SUGCT: variants seen among roughly 807,000 people sequenced by gnomAD.
SUGCT encodes the protein succinyl-CoA:glutarate CoA-transferase.
A neutral mutation model predicts 55.0 loss-of-function variants in SUGCT; 41 were observed. The ratio of observed to expected loss-of-function variants is 0.74; its 90% CI spans 0.58 to 0.97. The LOEUF (loss-of-function observed/expected upper bound fraction) is 0.97, where lower values mean the gene tolerates loss of function less well. Ranked by LOEUF, SUGCT falls within the 50% of genes least tolerant of loss-of-function variation. The probability of loss-of-function intolerance (pLI) is 0.00; values close to 1 mark genes in which losing one functional copy is unlikely to be tolerated. For synonymous variants in SUGCT, 187 were observed against 200.4 expected (o/e 0.93, Z 0.56); for missense variants, 568 against 547.8 (o/e 1.04, Z -0.37).
At position 40,265,758 on chromosome 7, in the gene SUGCT, C is replaced by G. The variant is rs181830924; in HGVS notation, c.577-8755C>G. Among the ~76,000 whole-genome samples the G allele has an allele frequency of 1.6e-4, 24 of 152,186 alleles. No homozygotes were observed. The East Asian group carries it at 4.6e-3, about 29-fold the overall frequency. ...TCACTTTAAGCCATGAGATCGAGAC[C>G]AGGCCAACATGATGAAACCCCGTCT... On this transcript the variant is annotated intron_variant, in intron 7 of 13. Coordinates refer to ENST00000335693, the MANE Select transcript of SUGCT (RefSeq NM_001193313.2).
chr7:40,158,536 A>C (rs1784004005), intron 1 of SUGCT, among the ~76,000 whole-genome samples: 1 of 152,224 alleles, frequency 6.6e-6, no homozygotes, highest in South Asian at 2.1e-4. Flanking sequence ...AGATCACCTG[A>C]GGTCAGAAGT....
intron 9 of SUGCT, among the ~76,000 whole-genome samples, chr7:40,377,138 CTTTCTTTCTT>C (rs1784593821): frequency 8.4e-5 from 1 of 11,910 alleles, no homozygotes; most frequent in Admixed American, 1.9e-3. Flanking sequence ...CTCTTTCTTT[CTTTCTTTCTT>C]TCTTTCTTTC....
At chr7:40,854,812 T>C (rs971853077) in intron 13 of SUGCT, among the ~76,000 whole-genome samples, 2 of 152,082 alleles carry the variant, frequency 1.3e-5, no homozygotes, top group East Asian at 1.9e-4. Flanking sequence ...GGTACACTCC[T>C]GAAGTCCTAC....
At chr7:40,504,167 A>G (rs1202917281) in intron 12 of SUGCT, among the ~76,000 whole-genome samples, 2 of 152,252 alleles carry the variant, frequency 1.3e-5, no homozygotes, top group Non-Finnish European at 2.9e-5. Context: ...GACTTAAAGT[A>G]CAGTATAGTG....
the SUGCT span, among the ~76,000 whole-genome samples, chr7:41,023,408 A>G: frequency 6.6e-6 from 1 of 152,250 alleles, no homozygotes; most frequent in African/African-American, 2.4e-5. Context: ...AAAAACATAC[A>G]TTAATATTAA....
intron 13 of SUGCT, among the ~76,000 whole-genome samples, chr7:40,758,359 A>C (rs1394391694): frequency 6.6e-6 from 1 of 152,168 alleles, no homozygotes; most frequent in African/African-American, 2.4e-5. Flanking sequence ...ATTTATCTTT[A>C]CTAAGCCAGA....
At chr7:40,446,306 A>G (rs1383332813) in intron 9 of SUGCT, among the ~76,000 whole-genome samples, 5 of 152,098 alleles carry the variant, frequency 3.3e-5, no homozygotes, top group African/African-American at 1.2e-4. Flanking sequence ...TCCAACACAG[A>G]TTGTTACTTC....
At chr7:40,731,303 G>T (rs1359013653) in intron 12 of SUGCT, among the ~76,000 whole-genome samples, 1 of 152,120 alleles carries the variant, frequency 6.6e-6, no homozygotes, top group African/African-American at 2.4e-5. Context: ...GAAGTTAAAA[G>T]AATTTTACTC....
chr7:40,305,682 G>A (rs1449905886), intron 8 of SUGCT, among the ~76,000 whole-genome samples: 1 of 151,374 alleles, frequency 6.6e-6, no homozygotes, highest in Non-Finnish European at 1.5e-5. Flanking sequence ...ATTTTTTTGT[G>A]ACAGGGTCTT....
chr7:40,237,965 G>C (rs1789121569), intron 7 of SUGCT, among the ~76,000 whole-genome samples: 1 of 152,184 alleles, frequency 6.6e-6, no homozygotes, highest in Non-Finnish European at 1.5e-5. Context: ...TGGCCACATG[G>C]AAAAGAGCAA....
At chr7:40,412,545 C>T (rs1449551707) in intron 9 of SUGCT, among the ~76,000 whole-genome samples, 1 of 152,026 alleles carries the variant, frequency 6.6e-6, no homozygotes, top group Non-Finnish European at 1.5e-5. Context: ...TTTGTTTTGT[C>T]GAATTTGTTT....
At chr7:40,734,152 G>A (rs1454190036) in intron 12 of SUGCT, among the ~76,000 whole-genome samples, 1 of 152,176 alleles carries the variant, frequency 6.6e-6, no homozygotes, top group Non-Finnish European at 1.5e-5. Context: ...AAGATTACTT[G>A]CATCTTACTA....
intron 13 of SUGCT, among the ~76,000 whole-genome samples, chr7:40,804,123 A>C (rs1448249780): frequency 6.6e-6 from 1 of 152,222 alleles, no homozygotes; most frequent in Non-Finnish European, 1.5e-5. Flanking sequence ...TTATCGCCTT[A>C]CAAAGAAAAG....
the SUGCT span, among the ~76,000 whole-genome samples, chr7:40,990,975 GCAATAAGTCATTTTGCTTTCTCATTCC>G: frequency 6.6e-6 from 1 of 152,190 alleles, no homozygotes; most frequent in South Asian, 2.1e-4. Context: ...CTCCATATCA[GCAATAAGTCATTTTGCTTTCTCATTCC>G]TTTCCTTTTG....
chr7:40,571,386 G>A (rs753911493), intron 12 of SUGCT, among the ~76,000 whole-genome samples: 1 of 152,072 alleles, frequency 6.6e-6, no homozygotes, highest in African/African-American at 2.4e-5. Flanking sequence ...GAAATTTATT[G>A]TGAGAAAGTG....
chr7:40,292,693 T>C (rs1349557762), intron 8 of SUGCT, among the ~76,000 whole-genome samples: 1 of 152,202 alleles, frequency 6.6e-6, no homozygotes, highest in African/African-American at 2.4e-5. Flanking sequence ...AAAGACATAC[T>C]TTTAAAATTC....
At chr7:40,857,742 A>T (rs923761334) in intron 13 of SUGCT, among the ~76,000 whole-genome samples, 2 of 152,208 alleles carry the variant, frequency 1.3e-5, no homozygotes, top group African/African-American at 2.4e-5. Context: ...AGACACAAAA[A>T]GTCACAAATT....
At chr7:40,675,636 G>A (rs1206573968) in intron 12 of SUGCT, among the ~76,000 whole-genome samples, 1 of 152,186 alleles carries the variant, frequency 6.6e-6, no homozygotes, top group Non-Finnish European at 1.5e-5. Context: ...AGGTATGGGA[G>A]TTGGGCAAAA....
chr7:40,225,994 T>A (rs1199792698), intron 6 of SUGCT, among the ~76,000 whole-genome samples: 1 of 152,210 alleles, frequency 6.6e-6, no homozygotes, highest in Non-Finnish European at 1.5e-5. Flanking sequence ...ACAGAAGTAC[T>A]CTGTACATGT....
Sources: allele counts gnomAD v4.1 joint callset (sites outside exome capture counted in the v4.1 genomes callset), GRCh38; gene constraint gnomAD v4.1.1; transcripts MANE v1.5; gene names NCBI Gene and HGNC (gene_info 2026-07-23, HGNC 2026-07-21).